The following PADI1 variants were observed in gnomAD, a reference collection of about 807,000 sequenced individuals.
PADI1 encodes the protein protein-arginine deiminase type-1.
In PADI1, 65 loss-of-function variants were observed where a neutral mutation model predicts 74.8. That is an observed-to-expected ratio of 0.87 (90% confidence interval 0.71 to 1.07). The LOEUF is 1.07. Ranked by LOEUF, PADI1 falls within the 50% of genes least tolerant of loss-of-function variation. The probability of loss-of-function intolerance (pLI) is 0.00; values close to 1 mark genes in which losing one functional copy is unlikely to be tolerated. For missense variants in PADI1, 943 were observed against 854.0 expected (o/e 1.10, Z -1.30); for synonymous variants, 371 against 336.2 (o/e 1.10, Z -1.13).
rs148453402 is a variant in PADI1 at position 17,221,525 on chromosome 1, G to A, written c.93-765G>A. ...GGAAGGGAGATGGGGGATCAGTCGG[G>A]GGGAAAGGTGGGCAAGGTGCAGCAT... is the stretch of plus-strand genomic sequence containing the variant. On this transcript the variant is annotated intron_variant, in intron 1 of 15. Transcript: ENST00000375471. Among the ~76,000 whole-genome samples the A allele has an allele frequency of 3.9e-3, 592 of 152,030 alleles. 3 individuals are homozygous for A. Among genetic ancestry groups the A allele is most frequent in the African/African-American group, 0.013 (522 of 41,472 alleles).
intron 10 of PADI1, among the ~76,000 whole-genome samples, chr1:17,232,452 C>T (rs564679927): frequency 7.9e-5 from 12 of 152,290 alleles, no homozygotes; most frequent in South Asian, 4.1e-4. Context: ...AGTGCTGCCT[C>T]GTCAACATCT....
At chr1:17,233,556 G>A (rs752555155) in intron 11 of PADI1, among the ~76,000 whole-genome samples, 1 of 152,208 alleles carries the variant, frequency 6.6e-6, no homozygotes, top group Non-Finnish European at 1.5e-5. Context: ...CAAACAGGTG[G>A]CGATGTCTGT....
chr1:17,230,336 G>C, intron 9 of PADI1, 128 bp downstream of exon 9: 1 of 1,138,134 alleles, frequency 8.8e-7, no homozygotes, highest in Non-Finnish European at 1.2e-6. Flanking sequence ...TGGGGCGAGG[G>C]CTTTTCCGCT....
chr1:17,206,050 C>T (rs1262791685), intron 1 of PADI1, among the ~76,000 whole-genome samples: 1 of 152,176 alleles, frequency 6.6e-6, no homozygotes. Context: ...GTTTCCCTAC[C>T]TGGCCACTAA....
chr1:17,205,718 T>C (rs915610860), intron 1 of PADI1, among the ~76,000 whole-genome samples: 6 of 151,922 alleles, frequency 3.9e-5, no homozygotes, highest in Admixed American at 1.3e-4. Flanking sequence ...CTCTTTGAGG[T>C]GAAGGGACGT....
At chr1:17,242,302 T>G (rs925451355) in intron 15 of PADI1, among the ~76,000 whole-genome samples, 5 of 152,328 alleles carry the variant, frequency 3.3e-5, no homozygotes, top group African/African-American at 1.2e-4. Context: ...GAACATTCTG[T>G]GCTGATGAAA....
chr1:17,216,541 G>GA (rs2071982993), intron 1 of PADI1, among the ~76,000 whole-genome samples: 1 of 152,158 alleles, frequency 6.6e-6, no homozygotes, highest in African/African-American at 2.4e-5. Flanking sequence ...TGGGCATGGG[G>GA]AAGCAGGAGT....
intron 6 of PADI1, 87 bp downstream of exon 6, chr1:17,226,245 C>CTTT: frequency 7.0e-7 from 1 of 1,420,750 alleles, no homozygotes; most frequent in Non-Finnish European, 9.8e-7. Flanking sequence ...TTTCCATCAC[C>CTTT]TTTTTGTAAC....
chr1:17,237,231 G>A, intron 11 of PADI1, 83 bp from the exon 12 acceptor site: 2 of 1,455,190 alleles, frequency 1.4e-6, no homozygotes, highest in South Asian at 2.7e-5. Flanking sequence ...TCCGCCCCCT[G>A]GTGGCAGATC....
At chr1:17,207,438 A>G (rs1256614569) in intron 1 of PADI1, among the ~76,000 whole-genome samples, 1 of 152,184 alleles carries the variant, frequency 6.6e-6, no homozygotes, top group Non-Finnish European at 1.5e-5. Flanking sequence ...AAACAATATA[A>G]CACCAGTTAT....
intron 12 of PADI1, 64 bp from the exon 13 acceptor site, chr1:17,238,552 T>G (rs1380642814): frequency 2.3e-6 from 2 of 856,930 alleles, no homozygotes; most frequent in Non-Finnish European, 3.4e-6. Flanking sequence ...GAGTCCTGAG[T>G]CTGGGGTCTC....
chr1:17,229,674 G>A (rs554732160), intron 8 of PADI1, among the ~76,000 whole-genome samples: 1 of 152,284 alleles, frequency 6.6e-6, no homozygotes, highest in South Asian at 2.1e-4. Flanking sequence ...GGTGTGTGTA[G>A]GTGTTAAAAA....
In PADI1 at chr1:17,216,354, G is replaced by T. The variant is rs138510323; in HGVS notation, c.93-5936G>T. 9.8e-4 allele frequency among the ~76,000 whole-genome samples: 150 copies of T among 152,306 alleles called. 1 individual carries two copies. The highest frequency in any genetic ancestry group is 1.9e-3 in the Non-Finnish European group (127 of 68,030). ...GGACAGGATGTGAGCTGTGGCAGAG[G>T]TGAGAGCGGTCAGGGTCTGCAGTTG... is the stretch of plus-strand genomic sequence containing the variant. On this transcript the variant is annotated intron_variant, in intron 1 of 15. Coordinates refer to ENST00000375471, the MANE Select transcript of PADI1 (RefSeq NM_013358.3).
intron 6 of PADI1, among the ~76,000 whole-genome samples, chr1:17,228,199 C>G (rs1026242405): frequency 2.0e-5 from 3 of 152,102 alleles, no homozygotes; most frequent in Non-Finnish European, 4.4e-5. Flanking sequence ...CCTATGTTAC[C>G]CAGGCTGGTC....
chr1:17,244,187 G>T lies in PADI1; in HGVS notation c.1936G>T (p.Gly646Cys). 3.1e-6 allele frequency: 5 copies of T among 1,614,196 alleles called. No homozygotes were observed. Among genetic ancestry groups the T allele is most frequent in the Non-Finnish European group, 4.2e-6 (5 of 1,180,022 alleles). ...YHELQGEIHC[G>C]TNVRRKPFPF... The stretch of plus-strand genomic sequence containing the variant: ...CGAGCTGCAGGGGGAGATCCACTGT[G>T]GCACCAACGTGCGCAGGAAGCCCTT... The change falls in exon 16 of 16, where the codon GGC becomes TGC. Residue 646 changes from glycine to cysteine, a missense_variant. Coordinates refer to ENST00000375471, the MANE Select transcript of PADI1 (RefSeq NM_013358.3).
Position 17,223,394 on chromosome 1 carries a change from C to A in PADI1, c.274-227C>A, listed in dbSNP as rs577603823. ...CTCCACCTTTCCCCCACCCTCCTTG[C>A]TCCTCACACCTGCTCTGGGAACCAA... On this transcript the variant is annotated intron_variant, in intron 2 of 15. Coordinates refer to ENST00000375471, the MANE Select transcript of PADI1 (RefSeq NM_013358.3). 5.2e-4 allele frequency: 284 copies of A among 546,636 alleles called. 3 individuals carry two copies. The South Asian group carries it at 5.9e-3, about 11-fold the overall frequency. The allele number at this position is 546,636 out of a possible 1,614,324, so 33.9% of individuals were successfully genotyped here.
At chr1:17,209,096 A>C (rs1446794273) in intron 1 of PADI1, among the ~76,000 whole-genome samples, 2 of 152,228 alleles carry the variant, frequency 1.3e-5, no homozygotes, top group Non-Finnish European at 2.9e-5. Context: ...GAAAATGCCA[A>C]AACAGAGTTC....
Position 17,211,603 on chromosome 1 carries a change from A to C in PADI1, c.92+6294A>C, listed in dbSNP as rs910620451. 1.1e-4 allele frequency among the ~76,000 whole-genome samples: 16 copies of C among 152,222 alleles called. 1 individual carries two copies. On this transcript the variant is annotated intron_variant, in intron 1 of 15. Coordinates refer to ENST00000375471, the MANE Select transcript of PADI1 (RefSeq NM_013358.3). The stretch of plus-strand genomic sequence containing the variant: ...ACTTTTCTGAAGTCACACAGCCCAC[A>C]AATGCCAGAGCTGGGATTTGGACCC...
At chr1:17,240,365 A>T (rs1400234398) in intron 14 of PADI1, 6 of 356,176 alleles carry the variant, frequency 1.7e-5, no homozygotes, top group Non-Finnish European at 3.1e-5. Flanking sequence ...TGGGGCTGGG[A>T]CAGTGTGTTG....
Sources: gnomAD v4.1 joint callset for allele counts (sites outside exome capture counted in the v4.1 genomes callset) on GRCh38, gnomAD v4.1.1 for gene constraint, MANE v1.5 for transcripts, NCBI Gene and HGNC (gene_info 2026-07-23, HGNC 2026-07-21) for gene names.